PLD5: variants seen among roughly 807,000 people sequenced by gnomAD.
The protein encoded by PLD5 is phospholipase D family member 5.
In PLD5, 36 loss-of-function variants were observed where a neutral mutation model predicts 61.1. The ratio of observed to expected loss-of-function variants is 0.59; its 90% CI spans 0.45 to 0.78. The LOEUF (loss-of-function observed/expected upper bound fraction) is 0.78, where lower values mean the gene tolerates loss of function less well. PLD5 is among the 30% of genes least tolerant of loss of function. The pLI, the probability that PLD5 is intolerant of heterozygous loss-of-function variation, is 0.00. For synonymous variants in PLD5, 243 were observed against 242.8 expected, an observed-to-expected ratio of 1.00 and a Z score of -0.01; for missense variants, 515 against 644.4, an observed-to-expected ratio of 0.80 and a Z score of 2.17.
At chr1:242,503,537 C>T (rs1411055613) in intron 1 of PLD5, among the ~76,000 whole-genome samples, 1 of 152,214 alleles carries the variant, frequency 6.6e-6, no homozygotes, top group Non-Finnish European at 1.5e-5. Context: ...CCCTCCACTT[C>T]CTTGAAGCAC....
intron 2 of PLD5, among the ~76,000 whole-genome samples, chr1:242,326,740 T>C (rs1302398197): frequency 2.0e-5 from 3 of 152,166 alleles, no homozygotes; most frequent in Non-Finnish European, 4.4e-5. Context: ...AGGGTCTCAC[T>C]CTGTCACCCA....
At chr1:242,168,684 C>T (rs1336313798) in intron 5 of PLD5, among the ~76,000 whole-genome samples, 2 of 152,082 alleles carry the variant, frequency 1.3e-5, no homozygotes, top group Non-Finnish European at 2.9e-5. Flanking sequence ...AAACAACAAT[C>T]CGCTGCAAAA....
chr1:242,444,149 T>A (rs1475152355), intron 1 of PLD5, among the ~76,000 whole-genome samples: 1 of 152,206 alleles, frequency 6.6e-6, no homozygotes, highest in African/African-American at 2.4e-5. Context: ...AGATTACTCA[T>A]CTTCATTATA....
rs1370931747 is a variant in PLD5 at position 242,498,872 on chromosome 1, T to A, written c.189+25216A>T. On this transcript the variant is annotated intron_variant, in intron 1 of 9. Transcript: ENST00000536534. Reference sequence around the variant, plus strand: ...TCTAATAAATAAGTTAAAGAATAGATGTTGGAATGAACATTCTCAAAGAAA... The same window carrying A: ...TCTAATAAATAAGTTAAAGAATAGAAGTTGGAATGAACATTCTCAAAGAAA... Among the ~76,000 whole-genome samples, 4 of 152,370 alleles carry A rather than the reference T, an allele frequency of 2.6e-5. No individual in the cohort carries two copies. In the East Asian group the frequency reaches 5.8e-4, roughly 22 times the overall value.
intron 1 of PLD5, among the ~76,000 whole-genome samples, chr1:242,376,347 C>A (rs1661955516): frequency 6.6e-6 from 1 of 152,190 alleles, no homozygotes; most frequent in African/African-American, 2.4e-5. Flanking sequence ...AAGGCACGCC[C>A]ACACTGGAGT....
In PLD5 at chr1:242,378,773, G is replaced by A. The variant is rs150850797; in HGVS notation, c.190-30531C>T. ...TGAGAATCACTTGAACCTGGGAGGTGGAGGTTGCAGTGAGCAGAGATCACA... is the reference window on the plus strand; with the variant it reads ...TGAGAATCACTTGAACCTGGGAGGTAGAGGTTGCAGTGAGCAGAGATCACA... On this transcript the variant is annotated intron_variant, in intron 1 of 9. Transcript: ENST00000536534. Among the ~76,000 whole-genome samples, 21 of 152,122 alleles carry A rather than the reference G, an allele frequency of 1.4e-4. 1 individual carries two copies. The highest frequency in any genetic ancestry group is 4.8e-4 in the African/African-American group (20 of 41,518).
At chr1:242,460,223 C>A (rs951991737) in intron 1 of PLD5, among the ~76,000 whole-genome samples, 2 of 152,092 alleles carry the variant, frequency 1.3e-5, no homozygotes, top group African/African-American at 2.4e-5. Context: ...AATCAAATGA[C>A]CCTAAATCCC....
At chr1:242,493,622 G>A (rs370235677) in intron 1 of PLD5, among the ~76,000 whole-genome samples, 2 of 152,186 alleles carry the variant, frequency 1.3e-5, no homozygotes, top group South Asian at 2.1e-4. Flanking sequence ...TAGCTGGAGA[G>A]AGGACGGGCT....
At chr1:242,525,900 A>G (rs1271846907), upstream of PLD5, among the ~76,000 whole-genome samples, 3 of 152,216 alleles carry the variant, frequency 2.0e-5, no homozygotes, top group Non-Finnish European at 2.9e-5. Context: ...TGGGGATGAA[A>G]CAACTAAACA....
chr1:242,165,452 G>A (rs2341223), intron 5 of PLD5, among the ~76,000 whole-genome samples: 72,809 of 115,506 alleles, frequency 0.63, 19,869 homozygotes, highest in East Asian at 0.77. Context: ...GCTTTAAAGG[G>A]AAAAAAAAAA....
rs558078003 is a variant in PLD5 at position 242,377,200 on chromosome 1, G to C, written c.190-28958C>G. The C allele has an allele frequency of 4.3e-6, 7 of 1,611,516 alleles. No homozygotes were observed. In the Admixed American group the frequency reaches 8.3e-5, roughly 19 times the overall value. ...AGAGAGACGTGAGACGTGTAGCAGAGGCCACACTCCCGGCACTGGTAGGAA... is the reference window on the plus strand; with the variant it reads ...AGAGAGACGTGAGACGTGTAGCAGACGCCACACTCCCGGCACTGGTAGGAA... On this transcript the variant is annotated intron_variant, in intron 1 of 9. Transcript: ENST00000536534.
intron 1 of PLD5, chr1:242,377,206 A>T: frequency 6.2e-7 from 1 of 1,611,216 alleles, no homozygotes; most frequent in South Asian, 1.1e-5. Context: ...CAGAGGCCAC[A>T]CTCCCGGCAC....
At chr1:242,519,454 G>A (rs1445741514) in intron 1 of PLD5, among the ~76,000 whole-genome samples, 4 of 152,102 alleles carry the variant, frequency 2.6e-5, no homozygotes, top group African/African-American at 7.2e-5. Context: ...AAGATACTAC[G>A]GCTCACTACA....
chr1:242,241,976 T>A lies in PLD5; in HGVS notation c.608-21861A>T, dbSNP rs571558654. 5.1e-3 allele frequency among the ~76,000 whole-genome samples: 529 copies of A among 104,452 alleles called. 10 individuals are homozygous for A. Among genetic ancestry groups the A allele is most frequent in the African/African-American group, 0.019 (514 of 26,518 alleles). 68.5% of individuals were successfully genotyped at this position (104,452 alleles called of 152,430 possible). ...TTATATATATGCTTACTTAAATATATACTATATATACTTACTATATATATA... is the reference window on the plus strand; with the variant it reads ...TTATATATATGCTTACTTAAATATAAACTATATATACTTACTATATATATA... On this transcript the variant is annotated intron_variant, in intron 4 of 9. Transcript: ENST00000536534.
intron 4 of PLD5, among the ~76,000 whole-genome samples, chr1:242,236,251 C>T (rs1303771921): frequency 6.6e-6 from 1 of 152,158 alleles, no homozygotes; most frequent in Non-Finnish European, 1.5e-5. Context: ...ATTTCTATTG[C>T]TTATAAGCTA....
At chr1:242,285,306 T>C (rs1674959878) in intron 3 of PLD5, among the ~76,000 whole-genome samples, 2 of 152,214 alleles carry the variant, frequency 1.3e-5, no homozygotes, top group Admixed American at 1.3e-4. Flanking sequence ...AAGACCAGCC[T>C]GGCTAACATG....
chr1:242,232,567 T>G (rs1367804285), intron 4 of PLD5, among the ~76,000 whole-genome samples: 1 of 152,142 alleles, frequency 6.6e-6, no homozygotes, highest in African/African-American at 2.4e-5. Flanking sequence ...TCATCAAGTC[T>G]TAGTACTTTA....
At chr1:242,205,695 G>T (rs890766606) in intron 5 of PLD5, among the ~76,000 whole-genome samples, 6 of 152,122 alleles carry the variant, frequency 3.9e-5, no homozygotes, top group African/African-American at 1.4e-4. Context: ...CATTACCAAT[G>T]AAATACTTTC....
At chr1:242,122,056 T>C (rs1662421781) in intron 6 of PLD5, among the ~76,000 whole-genome samples, 1 of 152,122 alleles carries the variant, frequency 6.6e-6, no homozygotes, top group Admixed American at 6.5e-5. Flanking sequence ...AACCTGCACG[T>C]TGTGCACATG....
Sources: allele counts gnomAD v4.1 joint callset (sites outside exome capture counted in the v4.1 genomes callset), GRCh38; gene constraint gnomAD v4.1.1; transcripts MANE v1.5; gene names NCBI Gene and HGNC (gene_info 2026-07-23, HGNC 2026-07-21).